The following UTRN variants were observed in gnomAD, a reference collection of about 807,000 sequenced individuals.
UTRN encodes utrophin.
UTRN carries 283 observed loss-of-function variants against 463.9 expected under a neutral mutation model. The ratio of observed to expected loss-of-function variants is 0.61; its 90% CI spans 0.55 to 0.67. The LOEUF (loss-of-function observed/expected upper bound fraction) is 0.67. Ranked by LOEUF, UTRN falls within the 30% of genes least tolerant of loss-of-function variation. UTRN has a pLI of 0.00. For synonymous variants in UTRN, 1,442 were observed against 1,431.5 expected (o/e 1.01, Z -0.17); for missense variants, 3,922 against 4,084.3 (o/e 0.96, Z 1.08).
At chr6:144,330,862 C>G (rs1776284133) in intron 2 of UTRN, 1 of 985,454 alleles carries the variant, frequency 1.0e-6, no homozygotes, top group South Asian at 4.7e-5. Context: ...CATCAAAGCA[C>G]ATTCTCCAGC....
At chr6:144,756,307 A>G (rs895614145) in intron 57 of UTRN, among the ~76,000 whole-genome samples, 1 of 152,162 alleles carries the variant, frequency 6.6e-6, no homozygotes, top group Non-Finnish European at 1.5e-5. Flanking sequence ...GAAATGCTAT[A>G]CTTTCACCTA....
At position 144,678,546 on chromosome 6, in the gene UTRN, GA is replaced by G. The variant is rs1781879851; in HGVS notation, c.7622del (p.Asn2541MetfsTer3). On this transcript the variant is annotated frameshift_variant, in exon 52 of 75. Coordinates refer to ENST00000367545, the MANE Select transcript of UTRN (RefSeq NM_007124.3). LOFTEE classifies it high-confidence loss of function. Reference sequence around the variant, plus strand: ...GACTGGATGATATGAACCAAAGATGGAATGACTTAAAAGCAAAATCTGCTAG... The same window carrying G: ...GACTGGATGATATGAACCAAAGATGGATGACTTAAAAGCAAAATCTGCTAG... ...HRLDDMNQRWNDLKAKSASIR... is the reference protein window; with the variant it reads ...HRLDDMNQRWXDLKAKSASIR... 1 of 1,611,776 alleles carries G rather than the reference GA, an allele frequency of 6.2e-7. No homozygotes were observed. The highest frequency in any genetic ancestry group is 8.5e-7 in the Non-Finnish European group (1 of 1,178,732).
At chr6:144,471,910 G>A (rs868491889) in intron 23 of UTRN, among the ~76,000 whole-genome samples, 1 of 152,150 alleles carries the variant, frequency 6.6e-6, no homozygotes, top group Non-Finnish European at 1.5e-5. Context: ...TCAGAGAATG[G>A]CCTTCAAAAC....
At chr6:144,573,920 A>T (rs1297686501) in intron 50 of UTRN, among the ~76,000 whole-genome samples, 3 of 152,174 alleles carry the variant, frequency 2.0e-5, no homozygotes, top group Admixed American at 1.3e-4. Flanking sequence ...GATTCATGTG[A>T]TTAATCATTG....
intron 13 of UTRN, among the ~76,000 whole-genome samples, chr6:144,441,937 C>T (rs542781092): frequency 6.6e-6 from 1 of 152,266 alleles, no homozygotes; most frequent in East Asian, 1.9e-4. Flanking sequence ...TTAGTCATGG[C>T]TGGAGCAGCT....
intron 51 of UTRN, among the ~76,000 whole-genome samples, chr6:144,636,103 T>C (rs929413199): frequency 6.6e-6 from 1 of 152,188 alleles, no homozygotes; most frequent in Admixed American, 6.5e-5. Context: ...AAATTTTTAA[T>C]AAAAGTTTCT....
intron 10 of UTRN, among the ~76,000 whole-genome samples, chr6:144,437,026 C>T (rs1786633073): frequency 6.6e-6 from 1 of 150,812 alleles, no homozygotes; most frequent in South Asian, 2.1e-4. Flanking sequence ...AATCTTGGCT[C>T]ACTGCAACTT....
chr6:144,516,440 A>T, intron 38 of UTRN, 53 bp downstream of exon 38: 2 of 1,549,728 alleles, frequency 1.3e-6, no homozygotes, highest in Non-Finnish European at 1.7e-6. Flanking sequence ...CTTCTCTATT[A>T]ATTTCATTTT....
chr6:144,500,364 A>T (rs1794060971), intron 34 of UTRN, among the ~76,000 whole-genome samples: 1 of 152,146 alleles, frequency 6.6e-6, no homozygotes, highest in South Asian at 2.1e-4. Context: ...CTCTAATGTT[A>T]GTGATGTTGA....
chr6:144,425,615 T>C (rs1389125987), intron 6 of UTRN, among the ~76,000 whole-genome samples: 3 of 152,152 alleles, frequency 2.0e-5, no homozygotes, highest in African/African-American at 2.4e-5. Flanking sequence ...CTCTATCTTA[T>C]CTCTCTCTCC....
In UTRN at chr6:144,448,686, T is replaced by A. The variant is rs1049241346; in HGVS notation, c.1989T>A (p.Ile663=). 1 of 1,613,666 alleles carries A rather than the reference T, an allele frequency of 6.2e-7. No homozygotes were observed. Among genetic ancestry groups the A allele is most frequent in the African/African-American group, 1.3e-5 (1 of 74,826 alleles). The change falls in exon 17 of 75, where the codon ATT becomes ATA. Residue 663 remains isoleucine (I), a synonymous_variant. Coordinates refer to ENST00000367545, the MANE Select transcript of UTRN (RefSeq NM_007124.3). ...LETVRVREQA[I]TKKSKQELPP... ...CTGTTCGTGTAAGAGAACAAGCAAT[T>A]ACAAAAAAATCTAAGCAGGAACTGC...
At chr6:144,504,268 A>G (rs1038935346) in intron 34 of UTRN, among the ~76,000 whole-genome samples, 12 of 152,310 alleles carry the variant, frequency 7.9e-5, no homozygotes, top group African/African-American at 2.4e-4. Context: ...AGAACTTCCA[A>G]TACTATATTG....
chr6:144,676,437 C>A (rs949374115), intron 51 of UTRN, among the ~76,000 whole-genome samples: 2 of 152,030 alleles, frequency 1.3e-5, no homozygotes, highest in Non-Finnish European at 1.5e-5. Context: ...TTCCCTCTCC[C>A]CTCTTTCTCT....
At position 144,537,716 on chromosome 6, in the gene UTRN, G is replaced by C; in HGVS notation, c.6368G>C (p.Arg2123Thr). ...TELGENLQEL[R>T]DLTQEMEVHA... ...TTGGGAGAAAACCTGCAAGAATTAA[G>C]AGTAAGTTGTTTATTTCTGTCTATA... Residue 2123 changes from arginine to threonine, a missense_variant and splice_region_variant, in exon 44 of 75, where the codon AGA becomes ACA. By Grantham distance (71) the Arg-to-Thr change is moderately conservative. Transcript: ENST00000367545. 1 of 1,608,976 alleles carries C rather than the reference G, an allele frequency of 6.2e-7. No individual in the cohort carries two copies. The highest frequency in any genetic ancestry group is 8.5e-7 in the Non-Finnish European group (1 of 1,177,928).
chr6:144,690,511 A>G (rs1457534107), intron 52 of UTRN, among the ~76,000 whole-genome samples: 1 of 152,120 alleles, frequency 6.6e-6, no homozygotes, highest in Non-Finnish European at 1.5e-5. Context: ...GGCCATGCCC[A>G]TCCTCATCTG....
chr6:144,464,147 A>C (rs1490350020), intron 23 of UTRN, among the ~76,000 whole-genome samples: 1 of 152,206 alleles, frequency 6.6e-6, no homozygotes. Context: ...AAGCGAAGAC[A>C]AAAATTAATG....
chr6:144,769,664 T>C (rs577123426), intron 58 of UTRN, among the ~76,000 whole-genome samples: 1 of 152,352 alleles, frequency 6.6e-6, no homozygotes, highest in Non-Finnish European at 1.5e-5. Flanking sequence ...TGTTTAAGTA[T>C]AACGTCTGGC....
At chr6:144,774,064 T>C (rs980030994) in intron 59 of UTRN, among the ~76,000 whole-genome samples, 6 of 152,222 alleles carry the variant, frequency 3.9e-5, no homozygotes, top group African/African-American at 1.4e-4. Context: ...TTGAAAATAC[T>C]TTCTTAGAAT....
intron 2 of UTRN, among the ~76,000 whole-genome samples, chr6:144,316,243 C>G (rs887960518): frequency 2.0e-5 from 3 of 152,182 alleles, no homozygotes; most frequent in African/African-American, 4.8e-5. Context: ...ATGTTGGTTC[C>G]TATTTGGATA....
Sources: allele counts gnomAD v4.1 joint callset (sites outside exome capture counted in the v4.1 genomes callset), GRCh38; gene constraint gnomAD v4.1.1; transcripts MANE v1.5; gene names NCBI Gene and HGNC (gene_info 2026-07-23, HGNC 2026-07-21).